The following ATXN7L1 variants were observed in gnomAD, a reference collection of about 807,000 sequenced individuals.
The protein encoded by ATXN7L1 is ataxin-7-like protein 1.
A neutral mutation model predicts 70.8 loss-of-function variants in ATXN7L1; 15 were observed. The observed-to-expected ratio is 0.21, with a 90% CI of 0.14 to 0.33. ATXN7L1 has a LOEUF of 0.33. Ranked by LOEUF, ATXN7L1 falls within the 10% of genes least tolerant of loss-of-function variation. The probability of loss-of-function intolerance (pLI) is 1.00; values close to 1 mark genes in which losing one functional copy is unlikely to be tolerated. For synonymous variants in ATXN7L1, 440 were observed against 445.1 expected (o/e 0.99, Z 0.14); for missense variants, 975 against 1,097.1 (o/e 0.89, Z 1.57).
intron 3 of ATXN7L1, among the ~76,000 whole-genome samples, chr7:105,715,365 T>C (rs1033610730): frequency 6.6e-6 from 1 of 152,240 alleles, no homozygotes; most frequent in African/African-American, 2.4e-5. Context: ...CTGTGCTCCA[T>C]ATCTAGCACC....
intron 3 of ATXN7L1, among the ~76,000 whole-genome samples, chr7:105,680,637 G>A (rs1403349448): frequency 6.6e-6 from 1 of 152,182 alleles, no homozygotes; most frequent in Non-Finnish European, 1.5e-5. Flanking sequence ...CAACAGTTAG[G>A]CTGTGGGCGT....
chr7:105,747,663 GT>G (rs1222288119), intron 3 of ATXN7L1, among the ~76,000 whole-genome samples: 1 of 152,236 alleles, frequency 6.6e-6, no homozygotes, highest in Non-Finnish European at 1.5e-5. Flanking sequence ...TGGTGGGACA[GT>G]GGGGGGACTG....
At chr7:105,678,868 G>C (rs575908917) in intron 3 of ATXN7L1, among the ~76,000 whole-genome samples, 1 of 152,198 alleles carries the variant, frequency 6.6e-6, no homozygotes, top group East Asian at 1.9e-4. Context: ...CCCGCTCCCC[G>C]CCTCAGCCCT....
intron 3 of ATXN7L1, among the ~76,000 whole-genome samples, chr7:105,783,136 T>C (rs1382958962): frequency 2.0e-5 from 3 of 152,194 alleles, no homozygotes; most frequent in African/African-American, 7.2e-5. Flanking sequence ...TATAAGTAGC[T>C]CAAGGTCAAA....
chr7:105,794,625 T>C (rs979490519), intron 2 of ATXN7L1, among the ~76,000 whole-genome samples: 1 of 152,200 alleles, frequency 6.6e-6, no homozygotes, highest in African/African-American at 2.4e-5. Flanking sequence ...TGAACTGAAC[T>C]GAAATGGAAA....
At chr7:105,685,259 G>A (rs1018176704) in intron 3 of ATXN7L1, among the ~76,000 whole-genome samples, 9 of 152,206 alleles carry the variant, frequency 5.9e-5, no homozygotes, top group African/African-American at 1.9e-4. Context: ...CCTCTCCAGC[G>A]CTATAGCGAA....
intron 2 of ATXN7L1, among the ~76,000 whole-genome samples, chr7:105,871,269 C>T (rs1216858812): frequency 6.6e-6 from 1 of 152,066 alleles, no homozygotes; most frequent in East Asian, 1.9e-4. Context: ...GAAACGACTT[C>T]CAAAGGGCAT....
chr7:105,853,320 G>A (rs1439725976), intron 2 of ATXN7L1, among the ~76,000 whole-genome samples: 4 of 152,192 alleles, frequency 2.6e-5, no homozygotes, highest in African/African-American at 4.8e-5. Flanking sequence ...AGGCCGAGGC[G>A]TGTAGATCAC....
intron 4 of ATXN7L1, among the ~76,000 whole-genome samples, chr7:105,655,938 T>C (rs1309758638): frequency 2.6e-5 from 4 of 152,262 alleles, no homozygotes; most frequent in Non-Finnish European, 2.9e-5. Context: ...TTGGCTCATT[T>C]TCCTCCTGGA....
At position 105,654,746 on chromosome 7, in the gene ATXN7L1, A is replaced by AT. The variant is rs112303767; in HGVS notation, c.578+10319dup. The stretch of plus-strand genomic sequence containing the variant: ...TCATCCCTCTTCTTTCCTTCAGGCC[A>AT]TTTTTTTTTTTTGAGACGGAGTCTT... On this transcript the variant is annotated intron_variant, in intron 4 of 11. Transcript: ENST00000419735. 1.7e-3 allele frequency among the ~76,000 whole-genome samples: 243 copies of AT among 144,540 alleles called. 1 individual carries two copies. Among genetic ancestry groups the AT allele is most frequent in the South Asian group, 4.0e-3 (18 of 4,530 alleles). 94.8% of individuals were successfully genotyped at this position (144,540 alleles called of 152,430 possible). A position where few individuals can be genotyped will look rare whatever the true frequency, so the allele number is the denominator to read the frequency against.
At chr7:105,845,136 C>T (rs1477561619) in intron 2 of ATXN7L1, among the ~76,000 whole-genome samples, 5 of 124,848 alleles carry the variant, frequency 4.0e-5, no homozygotes, top group Non-Finnish European at 6.3e-5. Context: ...ACCTGGGAGG[C>T]GGAGGTTGCA....
At chr7:105,844,043 C>T (rs1328742382) in intron 2 of ATXN7L1, among the ~76,000 whole-genome samples, 1 of 152,154 alleles carries the variant, frequency 6.6e-6, no homozygotes, top group East Asian at 1.9e-4. Flanking sequence ...TGCTTGGTGT[C>T]AGCGAGGGAT....
chr7:105,704,756 A>G (rs1414825785), intron 3 of ATXN7L1, among the ~76,000 whole-genome samples: 1 of 151,528 alleles, frequency 6.6e-6, no homozygotes, highest in Non-Finnish European at 1.5e-5. Context: ...GACTACAGGC[A>G]TGTGCCATCA....
chr7:105,681,002 A>T (rs1805473296), intron 3 of ATXN7L1, among the ~76,000 whole-genome samples: 1 of 151,984 alleles, frequency 6.6e-6, no homozygotes, highest in Non-Finnish European at 1.5e-5. Context: ...CTTACACCTG[A>T]GGTAGCGTAA....
chr7:105,745,353 C>T (rs192036841), intron 3 of ATXN7L1, among the ~76,000 whole-genome samples: 11 of 152,306 alleles, frequency 7.2e-5, no homozygotes, highest in Admixed American at 4.6e-4. Context: ...CAGAGGAGCA[C>T]TCCACAATTG....
At chr7:105,632,342 C>T (rs1796713405) in intron 7 of ATXN7L1, among the ~76,000 whole-genome samples, 1 of 152,006 alleles carries the variant, frequency 6.6e-6, no homozygotes, top group Admixed American at 6.6e-5. Context: ...AGAACCAGAT[C>T]CTAAAAAATA....
chr7:105,833,413 T>A (rs1429990065), intron 2 of ATXN7L1, among the ~76,000 whole-genome samples: 1 of 152,158 alleles, frequency 6.6e-6, no homozygotes, highest in Non-Finnish European at 1.5e-5. Context: ...ACACGCTACA[T>A]GATAAATGAA....
intron 2 of ATXN7L1, among the ~76,000 whole-genome samples, chr7:105,821,245 G>A (rs1223084779): frequency 6.6e-6 from 1 of 152,080 alleles, no homozygotes; most frequent in African/African-American, 2.4e-5. Context: ...CTCCATGTTG[G>A]TCAGGCTGGT....
chr7:105,705,490 T>C (rs1193331591), intron 3 of ATXN7L1, among the ~76,000 whole-genome samples: 1 of 152,194 alleles, frequency 6.6e-6, no homozygotes, highest in African/African-American at 2.4e-5. Context: ...CTTTTAATTA[T>C]TTTGATTGAC....
Sources: allele counts gnomAD v4.1 joint callset (sites outside exome capture counted in the v4.1 genomes callset), GRCh38; gene constraint gnomAD v4.1.1; transcripts MANE v1.5; gene names NCBI Gene and HGNC (gene_info 2026-07-23, HGNC 2026-07-21).